NOL4: variants seen among roughly 807,000 people sequenced by gnomAD.
The protein encoded by NOL4 is cancer/testis antigen 125.
In NOL4, 17 loss-of-function variants were observed where a neutral mutation model predicts 75.9. The observed-to-expected ratio is 0.22, with a 90% confidence interval of 0.15 to 0.34. NOL4 has a LOEUF of 0.34. Ranked by LOEUF, NOL4 falls within the 10% of genes least tolerant of loss-of-function variation. NOL4 has a pLI of 1.00. For missense variants in NOL4, 614 were observed against 793.5 expected (o/e 0.77, Z 2.72); for synonymous variants, 292 against 289.9 (o/e 1.01, Z -0.07).
At chr18:34,081,955 G>T (rs1485567604) in intron 5 of NOL4, among the ~76,000 whole-genome samples, 1 of 152,048 alleles carries the variant, frequency 6.6e-6, no homozygotes, top group African/African-American at 2.4e-5. Flanking sequence ...CATTTCAATG[G>T]CTACAAATAA....
At chr18:34,168,931 A>G (rs1033919502) in intron 1 of NOL4, among the ~76,000 whole-genome samples, 2 of 152,034 alleles carry the variant, frequency 1.3e-5, no homozygotes, top group Non-Finnish European at 2.9e-5. Flanking sequence ...TATTAAAAAT[A>G]GAAATATACA....
At chr18:33,993,558 C>T (rs1363175540) in intron 6 of NOL4, among the ~76,000 whole-genome samples, 1 of 151,688 alleles carries the variant, frequency 6.6e-6, no homozygotes, top group African/African-American at 2.4e-5. Flanking sequence ...CAACAAAACC[C>T]TAATATATGC....
chr18:34,054,499 T>C (rs1433212948), intron 5 of NOL4, among the ~76,000 whole-genome samples: 1 of 151,920 alleles, frequency 6.6e-6, no homozygotes, highest in Non-Finnish European at 1.5e-5. Flanking sequence ...TAAAGTCTCC[T>C]TTTTTAATGT....
At position 34,224,120 on chromosome 18, in the gene NOL4, A is replaced by T. The variant is rs1246558053; in HGVS notation, c.-867T>A. ...ATAGATTGTAGTGCCCCAAACAGAT[A>T]TCCGTTCCAGGGGGATGTGGGTAAC... On this transcript the variant is annotated 5_prime_UTR_variant, in exon 1 of 11. Transcript: ENST00000261592. 6.6e-6 allele frequency: 1 copy of T among 152,256 alleles called. No individual in the cohort carries two copies. Among genetic ancestry groups the T allele is most frequent in the Admixed American group, 6.5e-5 (1 of 15,284 alleles). The allele number at this position is 152,256 out of a possible 1,614,324, so 9.4% of individuals were successfully genotyped here. A position where few individuals can be genotyped will look rare whatever the true frequency, so the allele number is the denominator to read the frequency against.
chr18:34,047,824 C>A (rs1001545922), intron 5 of NOL4, among the ~76,000 whole-genome samples: 1 of 152,010 alleles, frequency 6.6e-6, no homozygotes, highest in African/African-American at 2.4e-5. Flanking sequence ...CCATCTGAGG[C>A]GATCAACAAA....
intron 5 of NOL4, among the ~76,000 whole-genome samples, chr18:34,028,451 C>A (rs1384797036): frequency 2.0e-5 from 3 of 152,202 alleles, no homozygotes; most frequent in Admixed American, 1.3e-4. Context: ...ATGCTCCCTT[C>A]TAGTACAAAT....
chr18:34,024,360 TTC>T (rs1258170078), intron 5 of NOL4, among the ~76,000 whole-genome samples: 2 of 151,118 alleles, frequency 1.3e-5, no homozygotes, highest in African/African-American at 4.9e-5. Context: ...CTTAGAAAAC[TTC>T]TCTTTCATAT....
chr18:33,939,081 G>GGTT (rs1384139770), intron 9 of NOL4, among the ~76,000 whole-genome samples: 2 of 152,054 alleles, frequency 1.3e-5, no homozygotes, highest in African/African-American at 4.8e-5. Flanking sequence ...AAGATGAGAT[G>GGTT]GTTGTAGATG....
intron 5 of NOL4, among the ~76,000 whole-genome samples, chr18:34,047,256 T>C (rs1488453311): frequency 1.3e-5 from 2 of 152,126 alleles, no homozygotes; most frequent in Non-Finnish European, 2.9e-5. Flanking sequence ...AACAGCACAC[T>C]TCAATTGGCA....
intron 1 of NOL4, among the ~76,000 whole-genome samples, chr18:34,151,229 G>A (rs1367739268): frequency 6.6e-6 from 1 of 151,856 alleles, no homozygotes; most frequent in East Asian, 1.9e-4. Context: ...CAAAGAGGTT[G>A]AAAACTTAAG....
intron 2 of NOL4, among the ~76,000 whole-genome samples, chr18:34,125,677 A>T (rs2080352128): frequency 6.6e-6 from 1 of 152,174 alleles, no homozygotes; most frequent in Admixed American, 6.6e-5. Flanking sequence ...GGCTGTAGAG[A>T]TTCTACATGA....
chr18:34,222,338 G>T, intron 1 of NOL4: 1 of 1,283,764 alleles, frequency 7.8e-7, no homozygotes, highest in Non-Finnish European at 9.8e-7. Flanking sequence ...AAGTGAGGAA[G>T]GGAATGGGGG....
chr18:33,903,781 T>C (rs1211332180), intron 9 of NOL4, among the ~76,000 whole-genome samples: 1 of 152,178 alleles, frequency 6.6e-6, no homozygotes, highest in African/African-American at 2.4e-5. Context: ...ACCTTGCTAA[T>C]ACTTTATGTC....
intron 1 of NOL4, among the ~76,000 whole-genome samples, chr18:34,201,724 T>A (rs1230665461): frequency 6.6e-6 from 1 of 151,848 alleles, no homozygotes; most frequent in Non-Finnish European, 1.5e-5. Context: ...CTCAGTTCCA[T>A]AACAACCACC....
chr18:33,983,877 T>A (rs768597081), intron 6 of NOL4, among the ~76,000 whole-genome samples: 16 of 152,010 alleles, frequency 1.1e-4, no homozygotes, highest in Non-Finnish European at 1.3e-4. Flanking sequence ...AGTCAAATAT[T>A]GACAATTTTA....
At chr18:34,209,885 C>G (rs75049869) in intron 1 of NOL4, among the ~76,000 whole-genome samples, 1 of 152,032 alleles carries the variant, frequency 6.6e-6, no homozygotes, top group Non-Finnish European at 1.5e-5. Flanking sequence ...ATATTTTCCT[C>G]AATAATAGGG....
At chr18:34,169,466 G>GA (rs35084288) in intron 1 of NOL4, among the ~76,000 whole-genome samples, 26,963 of 128,664 alleles carry the variant, frequency 0.21, 2,670 homozygotes, top group Middle Eastern at 0.26. Context: ...GGGCAAACAG[G>GA]AAAAAAAAAA....
At chr18:34,216,676 C>A (rs548627881) in intron 1 of NOL4, among the ~76,000 whole-genome samples, 8 of 149,316 alleles carry the variant, frequency 5.4e-5, no homozygotes, top group Non-Finnish European at 1.2e-4. Flanking sequence ...AAATGTAAAC[C>A]AGGATCTAAG....
At position 33,892,370 on chromosome 18, in the gene NOL4, A is replaced by G. The variant is rs547078526; in HGVS notation, c.1543-8946T>C. 8.5e-4 allele frequency among the ~76,000 whole-genome samples: 129 copies of G among 152,110 alleles called. 1 individual carries two copies. Among genetic ancestry groups the G allele is most frequent in the Non-Finnish European group, 1.6e-3 (106 of 68,006 alleles). ...CACTTGGGTCCAAGAGTCTGAGACT[A>G]TAGTGAGCTGTGATTGTGCTACTGC... On this transcript the variant is annotated intron_variant, in intron 9 of 10. Coordinates refer to ENST00000261592, the MANE Select transcript of NOL4 (RefSeq NM_003787.5).
Sources: gnomAD v4.1 joint callset for allele counts (sites outside exome capture counted in the v4.1 genomes callset) on GRCh38, gnomAD v4.1.1 for gene constraint, MANE v1.5 for transcripts, NCBI Gene and HGNC (gene_info 2026-07-23, HGNC 2026-07-21) for gene names.